The following ZBTB11 variants were observed in gnomAD, a reference collection of about 807,000 sequenced individuals.
ZBTB11 encodes zinc finger and BTB domain-containing protein 11.
A neutral mutation model predicts 113.1 loss-of-function variants in ZBTB11; 68 were observed. That is an observed-to-expected ratio of 0.60 (90% CI 0.49 to 0.74). ZBTB11 has a LOEUF of 0.74. Ranked by LOEUF, ZBTB11 falls within the 30% of genes least tolerant of loss-of-function variation. The pLI is 0.00. For missense variants in ZBTB11, 1,104 were observed against 1,279.4 expected, an observed-to-expected ratio of 0.86 and a Z score of 2.09; for synonymous variants, 518 against 452.6, an observed-to-expected ratio of 1.14 and a Z score of -1.83.
At chr3:101,653,058 T>C in intron 8 of ZBTB11, 120 bp from the exon 9 acceptor site, 2 of 1,026,602 alleles carry the variant, frequency 1.9e-6, no homozygotes, top group Non-Finnish European at 2.8e-6. Flanking sequence ...CTTAAAAGAA[T>C]TCCCTAATTT....
chr3:101,654,421 G>T (rs372393222), intron 8 of ZBTB11, among the ~76,000 whole-genome samples: 1 of 152,070 alleles, frequency 6.6e-6, no homozygotes, highest in African/African-American at 2.4e-5. Flanking sequence ...ATGAAGAAGA[G>T]GGGGGGAAAG....
intron 10 of ZBTB11, 61 bp from the exon 11 acceptor site, chr3:101,651,744 T>G: frequency 6.8e-7 from 1 of 1,466,596 alleles, no homozygotes; most frequent in Non-Finnish European, 9.0e-7. Flanking sequence ...ATACTTAAAC[T>G]GCCTACCAAA....
rs934651931 is a variant in ZBTB11 at position 101,659,833 on chromosome 3, G to A, written c.1996C>T (p.Leu666Phe). ...CGRTLPKLYS[L>F]RIHMLKHTGV... The stretch of plus-strand genomic sequence containing the variant: ...GTGTGCTTTAACATATGTATTCGGA[G>A]AGAATATAATTTAGGTAATGTTCTT... The change falls in exon 6 of 11, where the codon CTC becomes TTC. Residue 666 changes from leucine (L) to phenylalanine (F), a missense_variant. Around this residue, in one of 5 missense-constraint regions of ZBTB11, gnomAD observed 535 missense variants for 518.6 expected, o/e 1.03. Coordinates refer to ENST00000312938, the MANE Select transcript of ZBTB11 (RefSeq NM_014415.4). 3.7e-6 allele frequency: 6 copies of A among 1,614,144 alleles called. No individual in the cohort carries two copies. Among genetic ancestry groups the A allele is most frequent in the Non-Finnish European group, 4.2e-6 (5 of 1,180,006 alleles).
intron 3 of ZBTB11, among the ~76,000 whole-genome samples, chr3:101,669,091 G>A (rs1937043185): frequency 6.6e-6 from 1 of 152,124 alleles, no homozygotes; most frequent in Non-Finnish European, 1.5e-5. Flanking sequence ...GGAGTGCAGT[G>A]GTGTGGTCTC....
rs372301464 is a variant in ZBTB11, at chr3:101,651,484, T to C, written c.2844A>G (p.Glu948=). Residue 948 remains glutamate, a synonymous_variant, in exon 11 of 11, where the codon GAA becomes GAG. Coordinates refer to ENST00000312938, the MANE Select transcript of ZBTB11 (RefSeq NM_014415.4). ...RDYVPCKIML[E]KDTLQFHNQG... ...GGTTATGAAACTGAAGGGTGTCTTT[T>C]TCCAGCATAATTTTGCAAGGCACAT... 2.1e-5 allele frequency: 34 copies of C among 1,614,100 alleles called. No homozygotes were observed. The African/African-American group carries it at 4.1e-4, about 20-fold the overall frequency.
intron 5 of ZBTB11, among the ~76,000 whole-genome samples, 169 bp downstream of exon 5, chr3:101,664,369 T>C (rs1936943325): frequency 6.6e-6 from 1 of 152,244 alleles, no homozygotes; most frequent in South Asian, 2.1e-4. Context: ...TAAGGCTAAG[T>C]CACTGAATAT....
intron 1 of ZBTB11, among the ~76,000 whole-genome samples, chr3:101,674,361 G>A (rs1576654186): frequency 1.3e-5 from 2 of 151,992 alleles, no homozygotes; most frequent in African/African-American, 2.4e-5. Context: ...ATGGGTTCGA[G>A]TTAAATATAA....
chr3:101,653,122 C>T (rs916169219), intron 8 of ZBTB11, among the ~76,000 whole-genome samples, 184 bp from the exon 9 acceptor site: 2 of 152,138 alleles, frequency 1.3e-5, no homozygotes, highest in African/African-American at 4.8e-5. Context: ...CTTAAGACTA[C>T]TAGAAATGTT....
At chr3:101,676,337 G>C in intron 1 of ZBTB11, 1 of 352,276 alleles carries the variant, frequency 2.8e-6, no homozygotes, top group Non-Finnish European at 5.1e-6. Context: ...CCAGGCGTCC[G>C]GCCCCTCCCC....
chr3:101,666,519 T>C (rs1384757503), intron 3 of ZBTB11, among the ~76,000 whole-genome samples: 1 of 152,144 alleles, frequency 6.6e-6, no homozygotes, highest in African/African-American at 2.4e-5. Context: ...AATGAAATAA[T>C]TACTATACAC....
rs372610298 is a variant in ZBTB11 at position 101,659,596 on chromosome 3, A to G, written c.2046+187T>C. ...ACATCTTAAATAGATTCAAATTACA[A>G]CTTCAGAGAGCAAATTAAAAAACAC... is the stretch of plus-strand genomic sequence containing the variant. On this transcript the variant is annotated intron_variant, in intron 6 of 10. Transcript: ENST00000312938. 3.5e-4 allele frequency among the ~76,000 whole-genome samples: 54 copies of G among 152,338 alleles called. No homozygotes were observed. The East Asian group carries it at 6.4e-3, about 18-fold the overall frequency.
Position 101,656,123 on chromosome 3 carries a change from T to C in ZBTB11, c.2172A>G (p.Glu724=). The change falls in exon 7 of 11, where the codon GAA becomes GAG. Residue 724 remains glutamate (E), a synonymous_variant. Transcript: ENST00000312938. Reference sequence around the variant, plus strand: ...CATTACCTGTGTGAATACTCATATGTTCTTGAAGACTCCGTTTGGTAACAA... The same window carrying C: ...CATTACCTGTGTGAATACTCATATGCTCTTGAAGACTCCGTTTGGTAACAA... The part of the protein sequence containing the change: ...KSFVTKRSLQ[E]HMSIHTGESK... The C allele has an allele frequency of 1.3e-6, 2 of 1,586,738 alleles. No homozygotes were observed. Among genetic ancestry groups the C allele is most frequent in the Non-Finnish European group, 1.7e-6 (2 of 1,168,880 alleles).
intron 3 of ZBTB11, among the ~76,000 whole-genome samples, chr3:101,669,765 G>A (rs1171692019): frequency 1.3e-5 from 2 of 151,664 alleles, no homozygotes; most frequent in Non-Finnish European, 2.9e-5. Flanking sequence ...CCTGAGCCTA[G>A]GCTAGTTCTT....
At chr3:101,676,395 C>G (rs1479683303) in intron 1 of ZBTB11, 1 of 504,708 alleles carries the variant, frequency 2.0e-6, no homozygotes, top group Non-Finnish European at 3.3e-6. Flanking sequence ...CACCCAGGGC[C>G]AGGGCCCGCC....
chr3:101,658,036 G>T (rs1385062267), intron 6 of ZBTB11, among the ~76,000 whole-genome samples: 3 of 152,108 alleles, frequency 2.0e-5, no homozygotes, highest in African/African-American at 7.2e-5. Flanking sequence ...ACTTGCACAT[G>T]CATGTTTACA....
At position 101,650,840 on chromosome 3, in the gene ZBTB11, A is replaced by G. The variant is rs1205510039; in HGVS notation, c.*326T>C. 1.7e-5 allele frequency: 3 copies of G among 176,828 alleles called. No homozygotes were observed. The highest frequency in any genetic ancestry group is 7.0e-5 in the African/African-American group (3 of 42,564). 11.0% of individuals were successfully genotyped at this position (176,828 alleles called of 1,614,324 possible). On this transcript the variant is annotated 3_prime_UTR_variant, in exon 11 of 11. Transcript: ENST00000312938. ...ATAAAGTAATGTCAAAATGCAAATG[A>G]AACTGTACGGTTTTAAATTCAGTAC...
chr3:101,655,024 C>T lies in ZBTB11; in HGVS notation c.2192-203G>A, dbSNP rs993766382. On this transcript the variant is annotated intron_variant, in intron 7 of 10. Transcript: ENST00000312938. ...TCCCGAGTAGCTGGGACTATAGGCA[C>T]GTGCCACCACACCCAGCTAATTTTT... 5.3e-5 allele frequency among the ~76,000 whole-genome samples: 8 copies of T among 152,080 alleles called. No homozygotes were observed. In the East Asian group the frequency reaches 1.3e-3, roughly 26 times the overall value.
At chr3:101,659,489 T>G (rs545634397) in intron 6 of ZBTB11, among the ~76,000 whole-genome samples, 1 of 152,264 alleles carries the variant, frequency 6.6e-6, no homozygotes, top group East Asian at 1.9e-4. Context: ...GTTGGTCCAG[T>G]TGAAGGTTAA....
At chr3:101,671,621 G>GA (rs1937087046) in intron 2 of ZBTB11, 2 of 577,996 alleles carry the variant, frequency 3.5e-6, no homozygotes, top group Non-Finnish European at 6.1e-6. Context: ...GATGATGTAT[G>GA]AAACTGATGC....
Sources: gnomAD v4.1 joint callset for allele counts (sites outside exome capture counted in the v4.1 genomes callset) on GRCh38, gnomAD v4.1.1 for gene constraint, gnomAD v4.1.1 regional missense constraint, MANE v1.5 for transcripts, NCBI Gene and HGNC (gene_info 2026-07-23, HGNC 2026-07-21) for gene names.